The following SLC9A9 variants were observed in gnomAD, a reference collection of about 807,000 sequenced individuals.
SLC9A9 encodes the protein solute carrier family 9 member A9.
A neutral mutation model predicts 77.8 loss-of-function variants in SLC9A9; 62 were observed. The observed-to-expected ratio is 0.80, with a 90% CI of 0.65 to 0.98. SLC9A9 has a LOEUF of 0.98. Among genes scored for constraint, SLC9A9 ranks in the 50% least tolerant of loss-of-function variants. SLC9A9 has a pLI of 0.00. For synonymous variants in SLC9A9, 320 were observed against 283.5 expected, an observed-to-expected ratio of 1.13 and a Z score of -1.29; for missense variants, 775 against 774.9, an observed-to-expected ratio of 1.00 and a Z score of 0.00.
At chr3:143,583,315 C>T (rs952758456) in intron 6 of SLC9A9, among the ~76,000 whole-genome samples, 12 of 152,122 alleles carry the variant, frequency 7.9e-5, no homozygotes, top group Non-Finnish European at 7.4e-5. Context: ...TGTGCAGCAT[C>T]TTTTATTCAA....
At chr3:143,316,659 G>C (rs1363137243) in intron 14 of SLC9A9, among the ~76,000 whole-genome samples, 1 of 152,126 alleles carries the variant, frequency 6.6e-6, no homozygotes, top group Non-Finnish European at 1.5e-5. Context: ...AATGCACCCT[G>C]GGCATTGGAT....
intron 5 of SLC9A9, among the ~76,000 whole-genome samples, chr3:143,670,362 T>A (rs1016947187): frequency 1.3e-5 from 2 of 152,212 alleles, no homozygotes; most frequent in Non-Finnish European, 2.9e-5. Context: ...CAGAGCAGCA[T>A]GTGCAATGGG....
intron 11 of SLC9A9, among the ~76,000 whole-genome samples, chr3:143,493,411 G>C (rs1413243258): frequency 6.6e-6 from 1 of 152,200 alleles, no homozygotes; most frequent in African/African-American, 2.4e-5. Context: ...CTCTAGGCCA[G>C]TTTCTGACCA....
At chr3:143,816,909 T>C (rs921838326) in intron 2 of SLC9A9, among the ~76,000 whole-genome samples, 3 of 152,218 alleles carry the variant, frequency 2.0e-5, no homozygotes, top group African/African-American at 7.2e-5. Flanking sequence ...TAAAAGAACA[T>C]ACACTCCTCA....
chr3:143,792,870 C>T lies in SLC9A9; in HGVS notation c.533+2131G>A, dbSNP rs116109270. 1.2e-4 allele frequency among the ~76,000 whole-genome samples: 19 copies of T among 152,202 alleles called. 1 individual carries two copies. Among genetic ancestry groups the T allele is most frequent in the Non-Finnish European group, 1.3e-4 (9 of 68,016 alleles). On this transcript the variant is annotated intron_variant, in intron 4 of 15. Transcript: ENST00000316549. Reference sequence around the variant, plus strand: ...TACCCATTTTAAAATTTCTCCTTCACGCAGCTACCAAAATGACCTCCCTAA... The same window carrying T: ...TACCCATTTTAAAATTTCTCCTTCATGCAGCTACCAAAATGACCTCCCTAA...
At chr3:143,427,441 A>G (rs1351295887) in intron 12 of SLC9A9, among the ~76,000 whole-genome samples, 1 of 152,254 alleles carries the variant, frequency 6.6e-6, no homozygotes, top group Non-Finnish European at 1.5e-5. Context: ...CATGTAGAGA[A>G]GCAAGTGATC....
At chr3:143,843,637 A>G (rs1021731660) in intron 1 of SLC9A9, among the ~76,000 whole-genome samples, 27 of 152,192 alleles carry the variant, frequency 1.8e-4, no homozygotes, top group African/African-American at 6.0e-4. Context: ...TAAGAGGTTT[A>G]AATTGCTCTG....
chr3:143,452,025 A>C (rs2035016209), intron 12 of SLC9A9, among the ~76,000 whole-genome samples: 1 of 152,164 alleles, frequency 6.6e-6, no homozygotes. Flanking sequence ...AACATAATCA[A>C]GAAACTCAAT....
At chr3:143,710,752 A>G (rs1470663605) in intron 4 of SLC9A9, among the ~76,000 whole-genome samples, 3 of 152,254 alleles carry the variant, frequency 2.0e-5, no homozygotes, top group Admixed American at 6.5e-5. Flanking sequence ...CAAAGGGAAT[A>G]AAACTTGTGA....
At chr3:143,818,400 G>A (rs73158100) in intron 2 of SLC9A9, among the ~76,000 whole-genome samples, 32,625 of 151,792 alleles carry the variant, frequency 0.21, 3,794 homozygotes, top group South Asian at 0.36. Flanking sequence ...TCCACCTCCC[G>A]GCATCAAATT....
chr3:143,762,187 G>A (rs1298164642), intron 4 of SLC9A9, among the ~76,000 whole-genome samples: 1 of 152,052 alleles, frequency 6.6e-6, no homozygotes, highest in Admixed American at 6.6e-5. Context: ...ACTGGGGCCT[G>A]TCGTGGGGTT....
intron 4 of SLC9A9, among the ~76,000 whole-genome samples, chr3:143,742,748 A>C (rs780975620): frequency 6.6e-6 from 1 of 152,160 alleles, no homozygotes; most frequent in Non-Finnish European, 1.5e-5. Context: ...AACTAAGTAC[A>C]ATGTTTGTTC....
chr3:143,266,785 C>G lies in SLC9A9; in HGVS notation c.1855G>C (p.Glu619Gln). The G allele has an allele frequency of 1.2e-6, 2 of 1,614,176 alleles. No individual in the cohort carries two copies. Among genetic ancestry groups the G allele is most frequent in the Non-Finnish European group, 8.5e-7 (1 of 1,180,034 alleles). ...QKASPQTPGKENIYEGDLGLG... is the reference protein window; with the variant it reads ...QKASPQTPGKQNIYEGDLGLG... ...CCGAGGTCTCCCTCATAAATGTTTT[C>G]CTTGCCTGGCGTCTGGGGTGAAGCT... The change falls in exon 16 of 16, where the codon GAA becomes CAA. Residue 619 changes from glutamate (E) to glutamine (Q), a missense_variant. Coordinates refer to ENST00000316549, the MANE Select transcript of SLC9A9 (RefSeq NM_173653.4).
At chr3:143,759,782 T>C (rs1261047297) in intron 4 of SLC9A9, among the ~76,000 whole-genome samples, 2 of 152,284 alleles carry the variant, frequency 1.3e-5, no homozygotes, top group South Asian at 4.1e-4. Context: ...CACTTGTCTC[T>C]TTCAACAGCA....
intron 13 of SLC9A9, among the ~76,000 whole-genome samples, chr3:143,381,698 G>A (rs1038413082): frequency 6.6e-6 from 1 of 152,182 alleles, no homozygotes; most frequent in South Asian, 2.1e-4. Flanking sequence ...TGTTGTTTGT[G>A]CAACATGCAT....
intron 14 of SLC9A9, among the ~76,000 whole-genome samples, chr3:143,301,568 T>C (rs1396730777): frequency 6.6e-6 from 1 of 152,180 alleles, no homozygotes; most frequent in Non-Finnish European, 1.5e-5. Flanking sequence ...AGGGCCATCC[T>C]CTGCAGAAGA....
chr3:143,362,996 C>G (rs1193167853), intron 14 of SLC9A9, among the ~76,000 whole-genome samples: 1 of 152,146 alleles, frequency 6.6e-6, no homozygotes, highest in Non-Finnish European at 1.5e-5. Flanking sequence ...TCTCCTTGGC[C>G]CATTTATTTT....
chr3:143,713,284 G>C lies in SLC9A9; in HGVS notation c.534-19977C>G, dbSNP rs867200939. Among the ~76,000 whole-genome samples, 9 of 152,308 alleles carry C rather than the reference G, an allele frequency of 5.9e-5. No individual in the cohort carries two copies. The Middle Eastern group carries it at 0.02, about 345-fold the overall frequency. On this transcript the variant is annotated intron_variant, in intron 4 of 15. Coordinates refer to ENST00000316549, the MANE Select transcript of SLC9A9 (RefSeq NM_173653.4). ...TGTATTCAACATTGGCCGGATCTCA[G>C]CTAACACAGTTTCTTGTTCAAAACA...
At chr3:143,607,066 T>G (rs2037941137) in intron 6 of SLC9A9, among the ~76,000 whole-genome samples, 1 of 151,916 alleles carries the variant, frequency 6.6e-6, no homozygotes, top group Non-Finnish European at 1.5e-5. Context: ...ACAGAGCATA[T>G]TTTAAATCAA....
Sources: gnomAD v4.1 joint callset for allele counts (sites outside exome capture counted in the v4.1 genomes callset) on GRCh38, gnomAD v4.1.1 for gene constraint, MANE v1.5 for transcripts, NCBI Gene and HGNC (gene_info 2026-07-23, HGNC 2026-07-21) for gene names.